FAM50B: variants seen among roughly 807,000 people sequenced by gnomAD.
FAM50B encodes protein FAM50B.
Under a neutral mutation model 25.4 loss-of-function variants are expected in FAM50B, and 9 were observed. That is an observed-to-expected ratio of 0.35 (90% CI 0.21 to 0.62). The LOEUF (loss-of-function observed/expected upper bound fraction) is 0.62, where lower values mean the gene tolerates loss of function less well. Ranked by LOEUF, FAM50B falls within the 20% of genes least tolerant of loss-of-function variation. FAM50B has a pLI of 0.73. For synonymous variants in FAM50B, 212 were observed against 204.3 expected, an observed-to-expected ratio of 1.04 and a Z score of -0.32; for missense variants, 372 against 477.9, an observed-to-expected ratio of 0.78 and a Z score of 2.07.
chr6:3,834,359 C>CAAAAAAAAAAAAAAAAAAGAAAAAAAAA, the FAM50B span, among the ~76,000 whole-genome samples: 2 of 75,044 alleles, frequency 2.7e-5, no homozygotes, highest in Non-Finnish European at 3.0e-5. Context: ...TGATATATGG[C>CAAAAAAAAAAAAAAAAAAGAAAAAAAAA]AAAAAAAAAA....
chr6:3,836,954 T>C, the FAM50B span, among the ~76,000 whole-genome samples: 1 of 152,190 alleles, frequency 6.6e-6, no homozygotes, highest in African/African-American at 2.4e-5. Flanking sequence ...CAAGAGAAGA[T>C]ACAGGCTTCG....
At chr6:3,839,443 C>T in the FAM50B span, among the ~76,000 whole-genome samples, 94 of 152,192 alleles carry the variant, frequency 6.2e-4, 1 homozygote, top group African/African-American at 2.3e-3. Context: ...AATATCCAAA[C>T]TACAGCGGTG....
chr6:3,849,731 A>G (rs1238874298), intron 1 of FAM50B, 58 bp from the exon 2 acceptor site: 14 of 1,483,698 alleles, frequency 9.4e-6, no homozygotes, highest in African/African-American at 1.4e-5. Context: ...AGAGCTGAGC[A>G]TTCCCCGCCG....
At chr6:3,833,425 C>T in the FAM50B span, among the ~76,000 whole-genome samples, 3 of 152,182 alleles carry the variant, frequency 2.0e-5, no homozygotes, top group Non-Finnish European at 2.9e-5. Context: ...CAACCAGGAC[C>T]GTGTGTGTGT....
chr6:3,845,249 G>C (rs193252659), upstream of FAM50B, among the ~76,000 whole-genome samples: 1 of 152,240 alleles, frequency 6.6e-6, no homozygotes, highest in African/African-American at 2.4e-5. Flanking sequence ...TGTTTTTCTT[G>C]TTAAACTTTT....
At chr6:3,840,340 G>T in the FAM50B span, among the ~76,000 whole-genome samples, 1 of 152,028 alleles carries the variant, frequency 6.6e-6, no homozygotes, top group Admixed American at 6.5e-5. Flanking sequence ...GGGCATGGTG[G>T]GGGGTGCCTG....
chr6:3,846,092 C>A (rs1223640080), upstream of FAM50B, among the ~76,000 whole-genome samples: 1 of 152,024 alleles, frequency 6.6e-6, no homozygotes, highest in South Asian at 2.1e-4. Flanking sequence ...CTATTAGAGA[C>A]CTTAGAGGAC....
upstream of FAM50B, among the ~76,000 whole-genome samples, chr6:3,846,821 C>T (rs1343885044): frequency 2.0e-5 from 3 of 152,182 alleles, no homozygotes; most frequent in African/African-American, 4.8e-5. Context: ...AATAATAAGA[C>T]TTAAAAGTCA....
At chr6:3,846,609 T>C (rs948737177), upstream of FAM50B, among the ~76,000 whole-genome samples, 1 of 152,242 alleles carries the variant, frequency 6.6e-6, no homozygotes, top group Non-Finnish European at 1.5e-5. Flanking sequence ...AAGATTTCTT[T>C]GTAACATGTA....
chr6:3,834,226 G>C, the FAM50B span, among the ~76,000 whole-genome samples: 3 of 151,792 alleles, frequency 2.0e-5, no homozygotes, highest in Non-Finnish European at 4.4e-5. Context: ...GTGAGAATAT[G>C]ATATATTCTT....
the FAM50B span, among the ~76,000 whole-genome samples, chr6:3,832,758 C>A: frequency 1.3e-5 from 2 of 152,216 alleles, no homozygotes; most frequent in Non-Finnish European, 2.9e-5. Context: ...TTGGTGCCAC[C>A]ATAGTGGAAC....
the FAM50B span, among the ~76,000 whole-genome samples, chr6:3,838,415 A>T: frequency 3.3e-5 from 5 of 152,224 alleles, no homozygotes; most frequent in South Asian, 1.0e-3. Flanking sequence ...TCAGCAACAA[A>T]ACGGCATGAA....
rs1762217906 is a variant in FAM50B at position 3,851,170 on chromosome 6, G to C, written c.*381G>C. 1 of 234,716 alleles carries C rather than the reference G, an allele frequency of 4.3e-6. No homozygotes were observed. Among genetic ancestry groups the C allele is most frequent in the Non-Finnish European group, 9.1e-6 (1 of 110,338 alleles). The allele number at this position is 234,716 out of a possible 1,614,324, so 14.5% of individuals were successfully genotyped here. On this transcript the variant is annotated 3_prime_UTR_variant, in exon 2 of 2. Transcript: ENST00000648326. ...AGCCTCCTCCTTGCTGTGTAGTTTTGGGTAAGCTTATTAAACCCCCATGCC... is the reference window on the plus strand; with the variant it reads ...AGCCTCCTCCTTGCTGTGTAGTTTTCGGTAAGCTTATTAAACCCCCATGCC...
At chr6:3,834,192 CTG>C in the FAM50B span, among the ~76,000 whole-genome samples, 1 of 151,902 alleles carries the variant, frequency 6.6e-6, no homozygotes, top group East Asian at 1.9e-4. Context: ...ACCTATAAAA[CTG>C]AGTGAACGTG....
chr6:3,841,041 T>G, the FAM50B span, among the ~76,000 whole-genome samples: 1 of 152,224 alleles, frequency 6.6e-6, no homozygotes, highest in Non-Finnish European at 1.5e-5. Context: ...TTTTGTGGAT[T>G]TCTTACCACA....
At chr6:3,847,226 TCTC>T (rs1172859180), upstream of FAM50B, among the ~76,000 whole-genome samples, 2 of 152,222 alleles carry the variant, frequency 1.3e-5, no homozygotes, top group Non-Finnish European at 2.9e-5. Context: ...GGCATTGACT[TCTC>T]CTCTCTAGAT....
At chr6:3,843,025 C>T in the FAM50B span, among the ~76,000 whole-genome samples, 2 of 152,102 alleles carry the variant, frequency 1.3e-5, no homozygotes, top group African/African-American at 4.8e-5. Context: ...TTTGTTTGGG[C>T]ATTTTGCCAT....
In FAM50B at chr6:3,850,214, G is replaced by T. The variant is rs745851693; in HGVS notation, c.403G>T (p.Glu135Ter). The T allele has an allele frequency of 1.2e-6, 2 of 1,613,346 alleles. No homozygotes were observed. Among genetic ancestry groups the T allele is most frequent in the Non-Finnish European group, 8.5e-7 (1 of 1,179,882 alleles). Residue 135 changes from glutamate to a stop codon, truncating the protein, a stop_gained, in exon 2 of 2, where the codon GAG (glutamate) becomes TAG (stop). Coordinates refer to ENST00000648326, the MANE Select transcript of FAM50B (RefSeq NM_012135.3). LOFTEE classifies it high-confidence loss of function. Reference protein sequence around the residue: ...DDLDDQADAAEARRAGNLGKN... With the variant: ...DDLDDQADAA ...CCTCGATGACCAGGCCGACGCGGCC[G>T]AGGCCAGGCGCGCCGGAAACCTGGG...
In FAM50B at chr6:3,850,113, A is replaced by AGGAGCGGCAGCG. The variant is rs752636834; in HGVS notation, c.308_319dup (p.Arg103_Glu106dup). On this transcript the variant is annotated inframe_insertion, in exon 2 of 2. Coordinates refer to ENST00000648326, the MANE Select transcript of FAM50B (RefSeq NM_012135.3). Reference sequence around the variant, plus strand: ...CACCTGGAGGAGCAGCGGCTGCAGCAGGAGCGGCAGCGGGAGCAGGAGCAG... The same window carrying AGGAGCGGCAGCG: ...CACCTGGAGGAGCAGCGGCTGCAGCAGGAGCGGCAGCGGGAGCGGCAGCGGGAGCAGGAGCAG... 2 of 1,609,094 alleles carry AGGAGCGGCAGCG rather than the reference A, an allele frequency of 1.2e-6. No homozygotes were observed. The highest frequency in any genetic ancestry group is 1.7e-6 in the Non-Finnish European group (2 of 1,178,176).
Sources: gnomAD v4.1 joint callset for allele counts (sites outside exome capture counted in the v4.1 genomes callset) on GRCh38, gnomAD v4.1.1 for gene constraint, MANE v1.5 for transcripts, NCBI Gene and HGNC (gene_info 2026-07-23, HGNC 2026-07-21) for gene names.